PSD3: variants seen among roughly 807,000 people sequenced by gnomAD.
The protein encoded by PSD3 is PH and SEC7 domain-containing protein 3.
A neutral mutation model predicts 105.5 loss-of-function variants in PSD3; 49 were observed. That is an observed-to-expected ratio of 0.46 (90% confidence interval 0.37 to 0.59). The LOEUF (loss-of-function observed/expected upper bound fraction) is 0.59, where lower values mean the gene tolerates loss of function less well. PSD3 is among the 20% of genes least tolerant of loss of function. The probability of loss-of-function intolerance (pLI) is 0.00; values close to 1 mark genes in which losing one functional copy is unlikely to be tolerated. For missense variants in PSD3, 1,561 were observed against 1,263.8 expected, an observed-to-expected ratio of 1.24 and a Z score of -3.57; for synonymous variants, 557 against 457.8, an observed-to-expected ratio of 1.22 and a Z score of -2.77.
chr8:18,845,987 T>C (rs911205282), intron 4 of PSD3, among the ~76,000 whole-genome samples: 4 of 152,238 alleles, frequency 2.6e-5, no homozygotes, highest in African/African-American at 9.6e-5. Context: ...GGTATGAGCC[T>C]AGCGAAAGCA....
chr8:18,823,315 G>A (rs1812897336), intron 4 of PSD3, among the ~76,000 whole-genome samples: 1 of 152,036 alleles, frequency 6.6e-6, no homozygotes, highest in Non-Finnish European at 1.5e-5. Flanking sequence ...TTTACATTTT[G>A]AATTCCTATC....
In PSD3 at chr8:18,599,301, G is replaced by C. The variant is rs1328635938; in HGVS notation, c.2481+1063C>G. Among the ~76,000 whole-genome samples, 5 of 152,228 alleles carry C rather than the reference G, an allele frequency of 3.3e-5. No individual in the cohort carries two copies. In the East Asian group the frequency reaches 9.6e-4, roughly 29 times the overall value. On this transcript the variant is annotated intron_variant, in intron 12 of 15. Coordinates refer to ENST00000327040, the MANE Select transcript of PSD3 (RefSeq NM_015310.4). Reference sequence around the variant, plus strand: ...TGGAACCCTTATGTACTGTTGTTCAGGTATAAAATGGTACATTGCTTTGGA... The same window carrying C: ...TGGAACCCTTATGTACTGTTGTTCACGTATAAAATGGTACATTGCTTTGGA...
chr8:19,082,647 G>T (rs574937268), intron 1 of PSD3, among the ~76,000 whole-genome samples: 3 of 152,350 alleles, frequency 2.0e-5, no homozygotes, highest in South Asian at 4.1e-4. Context: ...TCTTCCCAGA[G>T]AAATGGCAAC....
At chr8:18,655,885 A>C (rs1808853414) in intron 9 of PSD3, among the ~76,000 whole-genome samples, 200 bp from the exon 10 acceptor site, 1 of 152,196 alleles carries the variant, frequency 6.6e-6, no homozygotes, top group Non-Finnish European at 1.5e-5. Context: ...TGAAACAAAG[A>C]AACTTTCACA....
chr8:18,956,625 C>A (rs1283606563), intron 1 of PSD3, among the ~76,000 whole-genome samples: 1 of 152,150 alleles, frequency 6.6e-6, no homozygotes, highest in African/African-American at 2.4e-5. Context: ...CCAACCGAGT[C>A]TTGCTTAGAG....
chr8:18,995,164 A>G (rs1826007312), intron 1 of PSD3, among the ~76,000 whole-genome samples: 1 of 152,172 alleles, frequency 6.6e-6, no homozygotes, highest in Non-Finnish European at 1.5e-5. Context: ...CTGAACTGGC[A>G]AATTGGCCCC....
intron 1 of PSD3, among the ~76,000 whole-genome samples, chr8:19,048,318 A>G (rs1044181223): frequency 3.9e-5 from 6 of 152,198 alleles, no homozygotes; most frequent in Non-Finnish European, 8.8e-5. Context: ...GCACCTAAAG[A>G]TGTTTTTTAT....
At chr8:19,082,034 C>T (rs570093172) in intron 1 of PSD3, among the ~76,000 whole-genome samples, 19 of 152,260 alleles carry the variant, frequency 1.2e-4, no homozygotes, top group South Asian at 6.2e-4. Context: ...TGATACTTTG[C>T]GACAATTCAT....
intron 9 of PSD3, among the ~76,000 whole-genome samples, chr8:18,737,216 C>A (rs1804217000): frequency 6.6e-6 from 1 of 152,134 alleles, no homozygotes; most frequent in Non-Finnish European, 1.5e-5. Flanking sequence ...AACATATAGC[C>A]ACAGCTGAGA....
chr8:18,560,228 A>G (rs1801318545), intron 14 of PSD3, among the ~76,000 whole-genome samples: 1 of 151,750 alleles, frequency 6.6e-6, no homozygotes, highest in Non-Finnish European at 1.5e-5. Context: ...AAACAACAAC[A>G]GCAACAACAA....
chr8:18,641,283 G>T (rs1237347583), intron 10 of PSD3, among the ~76,000 whole-genome samples: 1 of 152,136 alleles, frequency 6.6e-6, no homozygotes, highest in Non-Finnish European at 1.5e-5. Flanking sequence ...CAATGCTTGG[G>T]AACTGGTATC....
intron 4 of PSD3, chr8:18,854,250 C>T (rs1049042025): frequency 1.3e-5 from 2 of 152,886 alleles, no homozygotes; most frequent in African/African-American, 4.8e-5. Context: ...TACACACTGA[C>T]TCCGCAGTGA....
chr8:18,853,762 C>T (rs1815777558), intron 4 of PSD3, among the ~76,000 whole-genome samples: 2 of 152,114 alleles, frequency 1.3e-5, no homozygotes. Flanking sequence ...CTTCCACAGC[C>T]TGGATGAAGT....
chr8:18,567,666 G>C (rs2130280522), intron 14 of PSD3, among the ~76,000 whole-genome samples: 1 of 152,180 alleles, frequency 6.6e-6, no homozygotes, highest in Middle Eastern at 3.4e-3. Flanking sequence ...CTTACTACTA[G>C]TCTTTCTGTT....
intron 9 of PSD3, among the ~76,000 whole-genome samples, chr8:18,660,237 G>A (rs1350458417): frequency 6.6e-6 from 1 of 151,920 alleles, no homozygotes; most frequent in Non-Finnish European, 1.5e-5. Flanking sequence ...AGAGGAATAT[G>A]GAAATTAGAG....
intron 2 of PSD3, among the ~76,000 whole-genome samples, chr8:18,890,897 G>C (rs1048492547): frequency 2.0e-5 from 3 of 152,144 alleles, no homozygotes; most frequent in African/African-American, 7.2e-5. Flanking sequence ...CTGTCTTCCA[G>C]GGACCAAGCA....
intron 4 of PSD3, among the ~76,000 whole-genome samples, chr8:18,853,890 AC>A (rs1815788592): frequency 1.3e-5 from 2 of 152,136 alleles, no homozygotes; most frequent in Admixed American, 1.3e-4. Flanking sequence ...AACATTGTAG[AC>A]CCTGTAATAA....
intron 10 of PSD3, among the ~76,000 whole-genome samples, chr8:18,636,737 C>CATTG (rs1318719609): frequency 1.3e-5 from 2 of 152,094 alleles, no homozygotes; most frequent in East Asian, 3.9e-4. Context: ...ATACAAATAC[C>CATTG]ATTGTGTTAC....
intron 12 of PSD3, among the ~76,000 whole-genome samples, chr8:18,593,949 G>C (rs1803807316): frequency 9.8e-6 from 1 of 102,344 alleles, no homozygotes. Context: ...ACAGGAAGGG[G>C]AACATCACAC....
Sources: gnomAD v4.1 joint callset for allele counts (sites outside exome capture counted in the v4.1 genomes callset) on GRCh38, gnomAD v4.1.1 for gene constraint, MANE v1.5 for transcripts, NCBI Gene and HGNC (gene_info 2026-07-23, HGNC 2026-07-21) for gene names.